C11orf16: variants seen among roughly 807,000 people sequenced by gnomAD.
C11orf16 encodes the protein uncharacterized protein C11orf16.
A neutral mutation model predicts 45.1 loss-of-function variants in C11orf16; 38 were observed. The ratio of observed to expected loss-of-function variants is 0.84; its 90% CI spans 0.65 to 1.10. C11orf16 has a LOEUF of 1.10. Among genes scored for constraint, C11orf16 ranks in the 50% least tolerant of loss-of-function variants. The pLI is 0.00. For synonymous variants in C11orf16, 221 were observed against 222.0 expected, an observed-to-expected ratio of 1.00 and a Z score of 0.04; for missense variants, 583 against 569.5, an observed-to-expected ratio of 1.02 and a Z score of -0.24.
Position 8,926,980 on chromosome 11 carries a change from G to T in C11orf16, c.519C>A (p.Gly173=), listed in dbSNP as rs748443976. Residue 173 remains glycine (G), a synonymous_variant, in exon 4 of 7, where the codon GGC becomes GGA. Coordinates refer to ENST00000326053, the MANE Select transcript of C11orf16 (RefSeq NM_020643.3). ...TCATCTCCAAGCCCAAAAGAACAGT[G>T]CCAGGGCCATACTGCTGTTGGCCTG... The part of the protein sequence containing the change: ...WEPGQQQYGP[G]TVLLGLEMRD... 1 of 1,613,966 alleles carries T rather than the reference G, an allele frequency of 6.2e-7. No homozygotes were observed. The highest frequency in any genetic ancestry group is 1.1e-5 in the South Asian group (1 of 91,064).
intron 2 of C11orf16, among the ~76,000 whole-genome samples, chr11:8,931,548 C>A (rs770512775): frequency 5.3e-5 from 8 of 152,190 alleles, no homozygotes; most frequent in Non-Finnish European, 1.0e-4. Flanking sequence ...CGCCACCATG[C>A]CTGGCTAATT....
chr11:8,929,387 G>A lies in C11orf16; in HGVS notation c.314C>T (p.Ala105Val), dbSNP rs1481936355. Residue 105 changes from alanine to valine, a missense_variant, in exon 3 of 7, where the codon GCC becomes GTC. Coordinates refer to ENST00000326053, the MANE Select transcript of C11orf16 (RefSeq NM_020643.3). ...GGGTCAGGGACTTGCCTCGGGAGTG[G>A]CCTTTATTTGGGCCCGGTAGTAAAA... ...DGFYYRAQIK[A>V]TPELERQGVL... 6.2e-7 allele frequency: 1 copy of A among 1,613,900 alleles called. No homozygotes were observed. The highest frequency in any genetic ancestry group is 1.3e-5 in the African/African-American group (1 of 75,024).
chr11:8,932,027 C>G, intron 2 of C11orf16, 115 bp downstream of exon 2: 1 of 1,159,414 alleles, frequency 8.6e-7, no homozygotes, highest in Non-Finnish European at 1.2e-6. Context: ...ACAATGACGA[C>G]CCCTTTCCAC....
intron 2 of C11orf16, among the ~76,000 whole-genome samples, chr11:8,929,802 A>G (rs1200795378): frequency 6.6e-6 from 1 of 152,210 alleles, no homozygotes; most frequent in Non-Finnish European, 1.5e-5. Flanking sequence ...GATACATTCA[A>G]GTTAATTGAT....
Sources: gnomAD v4.1 joint callset for allele counts (sites outside exome capture counted in the v4.1 genomes callset) on GRCh38, gnomAD v4.1.1 for gene constraint, MANE v1.5 for transcripts, NCBI Gene and HGNC (gene_info 2026-07-23, HGNC 2026-07-21) for gene names.